The following RORA variants were observed in gnomAD, a reference collection of about 807,000 sequenced individuals.
RORA encodes RAR related orphan receptor A.
In RORA, 7 loss-of-function variants were observed where a neutral mutation model predicts 69.5. The ratio of observed to expected loss-of-function variants is 0.10; its 90% confidence interval spans 0.06 to 0.19. RORA has a LOEUF of 0.19. Ranked by LOEUF, RORA falls within the 10% of genes least tolerant of loss-of-function variation. RORA has a pLI of 1.00. For missense variants in RORA, 457 were observed against 663.0 expected, an observed-to-expected ratio of 0.69 and a Z score of 3.41; for synonymous variants, 261 against 240.8, an observed-to-expected ratio of 1.08 and a Z score of -0.78.
chr15:60,855,818 C>T (rs566880692), intron 1 of RORA, among the ~76,000 whole-genome samples: 10 of 152,236 alleles, frequency 6.6e-5, no homozygotes, highest in East Asian at 3.9e-4. Context: ...GGTTTCACCA[C>T]GTTAGCCAGG....
At chr15:60,757,529 T>A (rs1239650031) in intron 1 of RORA, among the ~76,000 whole-genome samples, 1 of 152,196 alleles carries the variant, frequency 6.6e-6, no homozygotes, top group Non-Finnish European at 1.5e-5. Context: ...ACTGGCTAAG[T>A]CCTGCCATAC....
chr15:61,202,489 G>A (rs958964946), intron 1 of RORA, among the ~76,000 whole-genome samples: 2 of 152,200 alleles, frequency 1.3e-5, no homozygotes, highest in South Asian at 2.1e-4. Context: ...AAAAGAATAA[G>A]AAGAAACGTA....
intron 2 of RORA, among the ~76,000 whole-genome samples, chr15:60,619,014 C>T (rs556989927): frequency 6.6e-6 from 1 of 152,348 alleles, no homozygotes; most frequent in South Asian, 2.1e-4. Context: ...AATACTGGCA[C>T]CTTTCCCTCA....
intron 1 of RORA, among the ~76,000 whole-genome samples, chr15:60,728,245 A>G (rs1595665008): frequency 6.6e-6 from 1 of 152,308 alleles, no homozygotes; most frequent in South Asian, 2.1e-4. Context: ...TATGTCACCC[A>G]GGCTAAAATA....
At chr15:60,876,311 TGG>T (rs56278031) in intron 1 of RORA, among the ~76,000 whole-genome samples, 59,132 of 103,156 alleles carry the variant, frequency 0.57, 15,008 homozygotes, top group Admixed American at 0.62. Context: ...TTACAGGAAG[TGG>T]GGGGGGGGGG....
intron 1 of RORA, among the ~76,000 whole-genome samples, chr15:61,150,801 T>TC (rs2079390831): frequency 2.0e-5 from 3 of 152,000 alleles, no homozygotes; most frequent in African/African-American, 7.3e-5. Context: ...GGCAATGGTC[T>TC]GAAAAAAAAA....
intron 1 of RORA, among the ~76,000 whole-genome samples, chr15:60,798,224 ACACACACACACACACAC>A (rs2072526281): frequency 1.7e-3 from 1 of 582 alleles, no homozygotes; most frequent in African/African-American, 8.3e-3. Context: ...CCCAACAGAC[ACACACACACACACACAC>A]ACACACACAC....
chr15:60,696,168 A>G (rs770209805), intron 1 of RORA, among the ~76,000 whole-genome samples: 1 of 152,220 alleles, frequency 6.6e-6, no homozygotes, highest in Non-Finnish European at 1.5e-5. Flanking sequence ...GGTGACATTC[A>G]AAGTTCAGAG....
At chr15:60,505,925 C>T (rs973148477) in intron 5 of RORA, among the ~76,000 whole-genome samples, 1 of 152,158 alleles carries the variant, frequency 6.6e-6, no homozygotes, top group Non-Finnish European at 1.5e-5. Flanking sequence ...AAATATTGAC[C>T]TAGATAGACA....
At chr15:60,693,219 T>C (rs903341946) in intron 1 of RORA, among the ~76,000 whole-genome samples, 4 of 152,228 alleles carry the variant, frequency 2.6e-5, no homozygotes, top group African/African-American at 9.6e-5. Flanking sequence ...TCTCAGCAGA[T>C]GCAGAAAAGG....
intron 1 of RORA, among the ~76,000 whole-genome samples, chr15:61,106,094 C>T (rs2078946051): frequency 2.0e-5 from 3 of 152,160 alleles, no homozygotes; most frequent in Non-Finnish European, 4.4e-5. Flanking sequence ...TCTATGGTCA[C>T]AATGATTTGT....
intron 2 of RORA, among the ~76,000 whole-genome samples, chr15:60,543,707 C>T (rs2066977672): frequency 6.6e-6 from 1 of 152,078 alleles, no homozygotes; most frequent in Non-Finnish European, 1.5e-5. Context: ...GTCTTGAACT[C>T]CCGGACTCAA....
intron 1 of RORA, among the ~76,000 whole-genome samples, chr15:60,785,995 C>T (rs2072329079): frequency 6.6e-6 from 1 of 152,164 alleles, no homozygotes; most frequent in Non-Finnish European, 1.5e-5. Flanking sequence ...TTGTTAGGCA[C>T]TAAATGAATG....
intron 1 of RORA, among the ~76,000 whole-genome samples, chr15:61,042,176 A>G (rs1050180538): frequency 2.6e-5 from 4 of 152,234 alleles, no homozygotes; most frequent in African/African-American, 9.6e-5. Context: ...ACAATAGCCT[A>G]TTAGACTTTT....
At chr15:60,898,698 T>TA (rs1339157683) in intron 1 of RORA, among the ~76,000 whole-genome samples, 21 of 150,388 alleles carry the variant, frequency 1.4e-4, no homozygotes, top group East Asian at 3.9e-4. Context: ...CTCTAACTCT[T>TA]AAAAAAAAAG....
intron 1 of RORA, among the ~76,000 whole-genome samples, chr15:61,186,585 G>C (rs1396453222): frequency 2.3e-5 from 3 of 129,212 alleles, no homozygotes; most frequent in Middle Eastern, 4.9e-3. Flanking sequence ...AGGTTACAGT[G>C]AGCCAAGATC....
At chr15:61,186,923 G>T (rs775413323) in intron 1 of RORA, among the ~76,000 whole-genome samples, 1 of 152,292 alleles carries the variant, frequency 6.6e-6, no homozygotes, top group Non-Finnish European at 1.5e-5. Context: ...AGCCCTCTGT[G>T]CTGGCTTCTC....
At chr15:60,706,627 C>T (rs2071066725) in intron 1 of RORA, among the ~76,000 whole-genome samples, 1 of 152,222 alleles carries the variant, frequency 6.6e-6, no homozygotes, top group Non-Finnish European at 1.5e-5. Flanking sequence ...CTCCATTTCA[C>T]TTTTAAACAT....
At chr15:60,838,158 C>A (rs1029908655) in intron 1 of RORA, among the ~76,000 whole-genome samples, 3 of 152,092 alleles carry the variant, frequency 2.0e-5, no homozygotes, top group South Asian at 2.1e-4. Flanking sequence ...TTCCCTACCC[C>A]CTTAGACCTC....
Sources: gnomAD v4.1 joint callset for allele counts (sites outside exome capture counted in the v4.1 genomes callset) on GRCh38, gnomAD v4.1.1 for gene constraint, MANE v1.5 for transcripts, NCBI Gene and HGNC (gene_info 2026-07-23, HGNC 2026-07-21) for gene names.